The following MBTD1 variants were observed in gnomAD, a reference collection of about 807,000 sequenced individuals.
MBTD1 encodes the protein mbt domain containing 1, also known as MBT domain-containing protein 1.
Under a neutral mutation model 87.8 loss-of-function variants are expected in MBTD1, and 24 were observed. That is an observed-to-expected ratio of 0.27 (90% CI 0.20 to 0.38). The LOEUF (loss-of-function observed/expected upper bound fraction) is 0.38. Ranked by LOEUF, MBTD1 falls within the 10% of genes least tolerant of loss-of-function variation. The probability of loss-of-function intolerance (pLI) is 1.00; values close to 1 mark genes in which losing one functional copy is unlikely to be tolerated. For missense variants in MBTD1, 436 were observed against 760.2 expected (o/e 0.57, Z 5.02); for synonymous variants, 237 against 248.6 (o/e 0.95, Z 0.44).
chr17:51,228,614 A>G (rs2053376121), intron 2 of MBTD1, among the ~76,000 whole-genome samples: 1 of 151,814 alleles, frequency 6.6e-6, no homozygotes, highest in Non-Finnish European at 1.5e-5. Flanking sequence ...GGACAAAAAA[A>G]AAAAAAAATT....
chr17:51,244,142 C>A (rs2054301865), intron 2 of MBTD1, among the ~76,000 whole-genome samples: 1 of 152,188 alleles, frequency 6.6e-6, no homozygotes. Context: ...TGAAATCTCA[C>A]CGCCATTCTT....
At chr17:51,182,416 G>A (rs752168150) in intron 16 of MBTD1, among the ~76,000 whole-genome samples, 11 of 152,180 alleles carry the variant, frequency 7.2e-5, no homozygotes, top group African/African-American at 1.7e-4. Flanking sequence ...GTCAGCCACC[G>A]CGCCTGGCCT....
intron 2 of MBTD1, among the ~76,000 whole-genome samples, chr17:51,247,881 G>C (rs2054542241): frequency 6.6e-6 from 1 of 152,146 alleles, no homozygotes; most frequent in African/African-American, 2.4e-5. Flanking sequence ...ATGGTTCCTT[G>C]ACAAATTTTT....
At chr17:51,247,521 C>T (rs1598430252) in intron 2 of MBTD1, among the ~76,000 whole-genome samples, 1 of 151,394 alleles carries the variant, frequency 6.6e-6, no homozygotes, top group Admixed American at 6.6e-5. Flanking sequence ...ATCTTGGCTC[C>T]CTGCAGCCTC....
intron 2 of MBTD1, among the ~76,000 whole-genome samples, chr17:51,240,979 A>T (rs1172800649): frequency 6.6e-6 from 1 of 151,704 alleles, no homozygotes; most frequent in Non-Finnish European, 1.5e-5. Context: ...TGGTGATGTT[A>T]ATTTTTTTTT....
At chr17:51,227,242 CAAAAAAAAAAA>C (rs71149355) in intron 2 of MBTD1, among the ~76,000 whole-genome samples, 66,382 of 117,952 alleles carry the variant, frequency 0.56, 16,511 homozygotes, top group South Asian at 0.72. Context: ...ACTCTGTCTC[CAAAAAAAAAAA>C]AAAAAAAAAA....
chr17:51,260,555 G>A, upstream of MBTD1: 1 of 1,595,928 alleles, frequency 6.3e-7, no homozygotes, highest in Non-Finnish European at 8.5e-7. Context: ...GGTTCCACGT[G>A]AGCGCCTGCG....
chr17:51,224,470 T>A (rs1470293382), intron 3 of MBTD1, among the ~76,000 whole-genome samples: 1 of 152,114 alleles, frequency 6.6e-6, no homozygotes, highest in Non-Finnish European at 1.5e-5. Flanking sequence ...AAGATAAAAG[T>A]TGGAGGAAGG....
intron 2 of MBTD1, among the ~76,000 whole-genome samples, chr17:51,242,059 C>G (rs779569605): frequency 4.1e-4 from 63 of 152,166 alleles, no homozygotes; most frequent in Non-Finnish European, 6.9e-4. Flanking sequence ...ATTTCTCTGT[C>G]CCAGCCCTGG....
In MBTD1 at chr17:51,201,905, G is replaced by A. The variant is rs2051514420; in HGVS notation, c.1119+117C>T. ...AGTTGTGACACCTATGAATTTACAA[G>A]GTCTTAATTCTTTTAAGTGAACATA... On this transcript the variant is annotated intron_variant, in intron 11 of 16. Coordinates refer to ENST00000586178, the MANE Select transcript of MBTD1 (RefSeq NM_017643.3). The A allele has an allele frequency of 1.1e-5, 8 of 748,994 alleles. No individual in the cohort carries two copies. The South Asian group carries it at 1.3e-4, about 12-fold the overall frequency. 46.4% of individuals were successfully genotyped at this position (748,994 alleles called of 1,614,324 possible).
Position 51,179,504 on chromosome 17 carries a change from A to ATATATT in MBTD1, c.*1071_*1072insAATATA, listed in dbSNP as rs1568135884. On this transcript the variant is annotated 3_prime_UTR_variant, in exon 17 of 17. Transcript: ENST00000586178. The stretch of plus-strand genomic sequence containing the variant: ...CAATTTTATATATATATATATATAT[A>ATATATT]TATATATATATATATATATATATAT... The ATATATT allele has an allele frequency of 3.7e-5, 3 of 80,216 alleles. No homozygotes were observed. Among genetic ancestry groups the ATATATT allele is most frequent in the Non-Finnish European group, 5.2e-5 (2 of 38,332 alleles). 5.0% of individuals were successfully genotyped at this position (80,216 alleles called of 1,614,324 possible).
At chr17:51,214,037 ATG>A (rs140473948) in intron 6 of MBTD1, among the ~76,000 whole-genome samples, 3 of 152,174 alleles carry the variant, frequency 2.0e-5, no homozygotes, top group African/African-American at 7.2e-5. Flanking sequence ...AGTAGTATAT[ATG>A]TGTGTGTGTA....
At chr17:51,195,960 T>C (rs2051076216) in intron 12 of MBTD1, among the ~76,000 whole-genome samples, 1 of 152,170 alleles carries the variant, frequency 6.6e-6, no homozygotes, top group South Asian at 2.1e-4. Flanking sequence ...CAGGCTGGAG[T>C]GCAATGGTGC....
intron 6 of MBTD1, among the ~76,000 whole-genome samples, chr17:51,210,512 T>C (rs960230116): frequency 3.3e-5 from 5 of 151,016 alleles, no homozygotes; most frequent in African/African-American, 1.2e-4. Flanking sequence ...TCCCAGCACT[T>C]TGGGAGGCTG....
intron 2 of MBTD1, among the ~76,000 whole-genome samples, chr17:51,258,870 G>C (rs1454289938): frequency 6.6e-6 from 1 of 152,178 alleles, no homozygotes; most frequent in East Asian, 1.9e-4. Flanking sequence ...TTTTCGGCTA[G>C]CCCTCACTAT....
In MBTD1 at chr17:51,217,353, G is replaced by A. The variant is rs1228700715; in HGVS notation, c.467C>T (p.Pro156Leu). ...ACTTACATGTTTAAAACAGGTAACC[G>A]GAGCTGCTATAAAGCTATTGCTATT... is the stretch of plus-strand genomic sequence containing the variant. ...YINSNSFIAA[P>L]VTCFKHAPMG... Residue 156 changes from proline to leucine, a missense_variant, in exon 6 of 17, where the codon CCG becomes CTG. Physicochemically the swap from Pro to Leu is moderately conservative, Grantham distance 98. Transcript: ENST00000586178. The A allele has an allele frequency of 3.3e-6, 5 of 1,536,242 alleles. No homozygotes were observed. The highest frequency in any genetic ancestry group is 1.4e-5 in the African/African-American group (1 of 72,212).
chr17:51,206,645 G>C (rs2051855639), intron 7 of MBTD1, among the ~76,000 whole-genome samples: 1 of 152,112 alleles, frequency 6.6e-6, no homozygotes. Flanking sequence ...ATTTGTTTAT[G>C]TATTGCTAAG....
chr17:51,236,550 T>A (rs1437450818), intron 2 of MBTD1, among the ~76,000 whole-genome samples: 2 of 152,174 alleles, frequency 1.3e-5, no homozygotes, highest in Non-Finnish European at 2.9e-5. Context: ...TGGCCTATGT[T>A]TTTTATGCCA....
intron 2 of MBTD1, among the ~76,000 whole-genome samples, chr17:51,255,092 C>T (rs2055007007): frequency 6.6e-6 from 1 of 151,982 alleles, no homozygotes; most frequent in Non-Finnish European, 1.5e-5. Context: ...ACCAGCCTGG[C>T]CAATATGATG....
Sources: allele counts gnomAD v4.1 joint callset (sites outside exome capture counted in the v4.1 genomes callset), GRCh38; gene constraint gnomAD v4.1.1; transcripts MANE v1.5; gene names NCBI Gene and HGNC (gene_info 2026-07-23, HGNC 2026-07-21).